Variants in LDLRAD4 observed in about 807,000 individuals in gnomAD.
LDLRAD4 encodes low density lipoprotein receptor class A domain containing 4.
In LDLRAD4, 5 loss-of-function variants were observed where a neutral mutation model predicts 17.0. The ratio of observed to expected loss-of-function variants is 0.29; its 90% CI spans 0.15 to 0.62. LDLRAD4 has a LOEUF of 0.62. Among genes scored for constraint, LDLRAD4 ranks in the 20% least tolerant of loss-of-function variants. The pLI is 0.84. For synonymous variants in LDLRAD4, 168 were observed against 171.8 expected (o/e 0.98, Z 0.17); for missense variants, 340 against 424.7 (o/e 0.80, Z 1.75).
intron 1 of LDLRAD4, among the ~76,000 whole-genome samples, chr18:13,289,192 A>G (rs2045825942): frequency 6.6e-6 from 1 of 152,230 alleles, no homozygotes; most frequent in Non-Finnish European, 1.5e-5. Flanking sequence ...CTCTTGTGTC[A>G]GTCTTCTGAG....
intron 2 of LDLRAD4, among the ~76,000 whole-genome samples, chr18:13,429,456 T>C (rs977251734): frequency 4.6e-5 from 7 of 152,230 alleles, no homozygotes; most frequent in Non-Finnish European, 1.0e-4. Flanking sequence ...GTTGTTGATA[T>C]AATCAGTGTG....
chr18:13,631,091 C>T (rs925987076), intron 4 of LDLRAD4, among the ~76,000 whole-genome samples: 1 of 152,172 alleles, frequency 6.6e-6, no homozygotes, highest in Non-Finnish European at 1.5e-5. Context: ...TGGCAGCAGG[C>T]GACAGCCCAT....
intron 3 of LDLRAD4, among the ~76,000 whole-genome samples, chr18:13,568,742 T>G (rs117428022): frequency 0.011 from 1,616 of 152,300 alleles, 13 homozygotes; most frequent in Middle Eastern, 0.024. Context: ...GGTCTCTGTA[T>G]CACAGTAGAC....
At chr18:13,450,755 C>T (rs1479885356) in intron 3 of LDLRAD4, among the ~76,000 whole-genome samples, 1 of 152,158 alleles carries the variant, frequency 6.6e-6, no homozygotes, top group African/African-American at 2.4e-5. Flanking sequence ...TCTTACTAAG[C>T]CTGGGTGCTC....
chr18:13,275,711 A>G (rs1182561038), upstream of LDLRAD4, among the ~76,000 whole-genome samples: 1 of 152,244 alleles, frequency 6.6e-6, no homozygotes, highest in Admixed American at 6.5e-5. Context: ...TGCCTGTATC[A>G]AAACATCTCA....
chr18:13,457,748 G>A (rs1301321690), intron 3 of LDLRAD4, among the ~76,000 whole-genome samples: 1 of 152,138 alleles, frequency 6.6e-6, no homozygotes, highest in East Asian at 1.9e-4. Flanking sequence ...AAGCATCCCA[G>A]GGCCCTCTGC....
At chr18:13,411,245 C>T (rs1199272236) in intron 2 of LDLRAD4, among the ~76,000 whole-genome samples, 1 of 146,406 alleles carries the variant, frequency 6.8e-6, no homozygotes, top group African/African-American at 2.6e-5. Flanking sequence ...GAACCAGACC[C>T]TGTCTCAAAA....
intron 2 of LDLRAD4, among the ~76,000 whole-genome samples, chr18:13,392,219 C>T (rs73954273): frequency 0.017 from 2,626 of 152,350 alleles, 80 homozygotes; most frequent in African/African-American, 0.06. Flanking sequence ...CTCCACGGTT[C>T]AGCTGTGCGT....
At position 13,584,180 on chromosome 18, in the gene LDLRAD4, T is replaced by TC. The variant is rs1023541896; in HGVS notation, c.182-36935dup. The stretch of plus-strand genomic sequence containing the variant: ...TCTTCATCGTCATAATGCCCTGGAC[T>TC]CCAATTGCTTAGGGTTGTCCCAGAC... On this transcript the variant is annotated intron_variant, in intron 3 of 5. Transcript: ENST00000359446. 1.5e-4 allele frequency among the ~76,000 whole-genome samples: 23 copies of TC among 152,334 alleles called. No homozygotes were observed. In the East Asian group the frequency reaches 3.7e-3, roughly 24 times the overall value.
At chr18:13,298,944 A>G (rs62097350) in intron 1 of LDLRAD4, among the ~76,000 whole-genome samples, 24,602 of 152,222 alleles carry the variant, frequency 0.16, 2,155 homozygotes, top group African/African-American at 0.2. Context: ...GAGCATCCAC[A>G]GGCTGCCTTC....
intron 2 of LDLRAD4, chr18:13,419,631 A>G (rs2089261449): frequency 6.6e-6 from 1 of 152,228 alleles, no homozygotes; most frequent in Admixed American, 6.5e-5. Flanking sequence ...CACTTTCCCA[A>G]GATCACACAG....
intron 3 of LDLRAD4, among the ~76,000 whole-genome samples, chr18:13,463,377 C>A (rs758347138): frequency 2.0e-5 from 3 of 152,210 alleles, no homozygotes; most frequent in Non-Finnish European, 4.4e-5. Context: ...AGAGCAAACC[C>A]ACCGGCATCC....
intron 1 of LDLRAD4, among the ~76,000 whole-genome samples, chr18:13,245,945 G>A (rs2042934175): frequency 6.6e-6 from 1 of 152,242 alleles, no homozygotes; most frequent in Non-Finnish European, 1.5e-5. Flanking sequence ...GGGGCTCAGA[G>A]CACTGCAGCT....
intron 1 of LDLRAD4, chr18:13,382,595 T>C (rs1017243300): frequency 6.6e-6 from 1 of 152,030 alleles, no homozygotes; most frequent in African/African-American, 2.4e-5. Flanking sequence ...CCAGTATAAA[T>C]AGAACCTCCA....
At chr18:13,572,829 A>G (rs2094711899) in intron 3 of LDLRAD4, among the ~76,000 whole-genome samples, 1 of 152,230 alleles carries the variant, frequency 6.6e-6, no homozygotes, top group Admixed American at 6.5e-5. Context: ...TTAGCAGTGC[A>G]TACCCGTGGC....
intron 3 of LDLRAD4, among the ~76,000 whole-genome samples, chr18:13,559,065 C>A (rs534211211): frequency 6.6e-6 from 1 of 152,200 alleles, no homozygotes. Context: ...GGCTGCAAGA[C>A]CAGCATTAGA....
chr18:13,495,482 C>G (rs1029134227), intron 3 of LDLRAD4, among the ~76,000 whole-genome samples: 1 of 152,190 alleles, frequency 6.6e-6, no homozygotes, highest in Non-Finnish European at 1.5e-5. Flanking sequence ...CTGTCCCTTG[C>G]GGGATCCCAC....
In LDLRAD4 at chr18:13,327,125, G is replaced by T. The variant is rs2081578174; in HGVS notation, c.-383+48937G>T. On this transcript the variant is annotated intron_variant, in intron 1 of 5. Coordinates refer to ENST00000359446, the Ensembl canonical transcript of LDLRAD4. ...GTTGCTTTTCTGCTTGACTCCCTCT[G>T]TGGGCCGTGGACTCTGCGGCAGAGT... Among the ~76,000 whole-genome samples the T allele has an allele frequency of 2.0e-5, 3 of 152,088 alleles. No homozygotes were observed. In the South Asian group the frequency reaches 6.2e-4, roughly 32 times the overall value.
intron 3 of LDLRAD4, among the ~76,000 whole-genome samples, chr18:13,493,223 C>T (rs1284191037): frequency 5.9e-5 from 9 of 152,200 alleles, no homozygotes; most frequent in Admixed American, 5.9e-4. Flanking sequence ...AATGCCATTT[C>T]CACAAGTCTG....
Sources: gnomAD v4.1 joint callset for allele counts (sites outside exome capture counted in the v4.1 genomes callset) on GRCh38, gnomAD v4.1.1 for gene constraint, MANE v1.5 for transcripts, NCBI Gene and HGNC (gene_info 2026-07-23, HGNC 2026-07-21) for gene names.